ENTREP2: variants seen among roughly 807,000 people sequenced by gnomAD.
ENTREP2 encodes protein ENTREP2.
the ENTREP2 span, among the ~76,000 whole-genome samples, chr15:29,417,003 T>C: frequency 6.6e-6 from 1 of 152,168 alleles, no homozygotes; most frequent in Non-Finnish European, 1.5e-5. Context: ...CAACAGGTGC[T>C]GGAGAGGGTG....
chr15:29,318,124 C>T, the ENTREP2 span, among the ~76,000 whole-genome samples: 1 of 152,140 alleles, frequency 6.6e-6, no homozygotes, highest in Non-Finnish European at 1.5e-5. Flanking sequence ...TAATTGCAGG[C>T]AGGCCGTGTT....
chr15:29,674,130 G>C, the ENTREP2 span, among the ~76,000 whole-genome samples: 5 of 103,384 alleles, frequency 4.8e-5, no homozygotes, highest in Admixed American at 4.4e-4. Flanking sequence ...GCAGAGGATG[G>C]GGGGGGGGGG....
the ENTREP2 span, among the ~76,000 whole-genome samples, chr15:29,656,378 A>C: frequency 6.6e-6 from 1 of 152,056 alleles, no homozygotes; most frequent in African/African-American, 2.4e-5. Flanking sequence ...GACATCCATC[A>C]CCACAGCCGG....
the ENTREP2 span, among the ~76,000 whole-genome samples, chr15:29,138,617 GTATGTGTATGTGCATGTGTA>G: frequency 7.2e-6 from 1 of 138,662 alleles, no homozygotes; most frequent in Non-Finnish European, 1.6e-5. Flanking sequence ...GTGTTTGTAT[GTATGTGTATGTGCATGTGTA>G]TATGTGTATG....
chr15:29,226,713 G>C, the ENTREP2 span, among the ~76,000 whole-genome samples: 4 of 152,192 alleles, frequency 2.6e-5, no homozygotes, highest in African/African-American at 9.7e-5. Flanking sequence ...CTTGGAGACT[G>C]AGGCTTTCAA....
At chr15:29,425,410 C>T in the ENTREP2 span, among the ~76,000 whole-genome samples, 1 of 152,120 alleles carries the variant, frequency 6.6e-6, no homozygotes, top group African/African-American at 2.4e-5. Context: ...TTTGATCATA[C>T]GTGGACAGTC....
At chr15:29,492,999 G>A in the ENTREP2 span, among the ~76,000 whole-genome samples, 14 of 147,974 alleles carry the variant, frequency 9.5e-5, no homozygotes, top group African/African-American at 2.2e-4. Context: ...GTGAGACTCC[G>A]TCTCCAAAAA....
the ENTREP2 span, among the ~76,000 whole-genome samples, chr15:29,280,166 T>C: frequency 2.6e-5 from 4 of 152,346 alleles, no homozygotes; most frequent in East Asian, 3.9e-4. Context: ...TATTAGATCA[T>C]TAAAAGACGT....
chr15:29,546,974 T>G, the ENTREP2 span, among the ~76,000 whole-genome samples: 1 of 149,894 alleles, frequency 6.7e-6, no homozygotes, highest in Admixed American at 6.7e-5. Context: ...TAAAGAGATA[T>G]GGAGCATTCA....
At chr15:29,248,650 A>G in the ENTREP2 span, among the ~76,000 whole-genome samples, 4 of 152,158 alleles carry the variant, frequency 2.6e-5, no homozygotes, top group African/African-American at 9.6e-5. Flanking sequence ...TAAATGACTA[A>G]AAAGTTTAAT....
At chr15:29,573,227 G>C in the ENTREP2 span, among the ~76,000 whole-genome samples, 1 of 152,160 alleles carries the variant, frequency 6.6e-6, no homozygotes, top group Non-Finnish European at 1.5e-5. Flanking sequence ...GGTTAGGAGA[G>C]GGATCTACTT....
the ENTREP2 span, among the ~76,000 whole-genome samples, chr15:29,339,650 G>C: frequency 3.3e-5 from 5 of 152,174 alleles, no homozygotes; most frequent in African/African-American, 1.2e-4. Context: ...TCCAATTTAC[G>C]TACAACTTCG....
the ENTREP2 span, among the ~76,000 whole-genome samples, chr15:29,258,999 G>A: frequency 6.6e-5 from 10 of 152,292 alleles, no homozygotes; most frequent in South Asian, 4.1e-4. Flanking sequence ...TTTTCTGAGT[G>A]GGCAAGAACT....
At chr15:29,123,492 G>A in the ENTREP2 span, 1 of 1,551,700 alleles carries the variant, frequency 6.4e-7, no homozygotes, top group African/African-American at 1.4e-5. Context: ...CCAAAACCCT[G>A]GCATCCGCAT....
the ENTREP2 span, among the ~76,000 whole-genome samples, chr15:29,307,203 C>CA: frequency 8.0e-5 from 12 of 150,662 alleles, no homozygotes; most frequent in East Asian, 3.9e-4. Flanking sequence ...TCCTTTTATA[C>CA]AAAAAAAATT....
At chr15:29,442,078 C>A in the ENTREP2 span, among the ~76,000 whole-genome samples, 1 of 152,140 alleles carries the variant, frequency 6.6e-6, no homozygotes, top group African/African-American at 2.4e-5. Context: ...CTGTTGTCCC[C>A]CTGAAGCACC....
the ENTREP2 span, among the ~76,000 whole-genome samples, chr15:29,467,227 C>T: frequency 1.2e-4 from 19 of 152,168 alleles, no homozygotes; most frequent in African/African-American, 4.1e-4. Flanking sequence ...AAGGAGAAAT[C>T]GAGATGCCTC....
chr15:29,466,870 C>G, the ENTREP2 span, among the ~76,000 whole-genome samples: 1 of 127,048 alleles, frequency 7.9e-6, no homozygotes, highest in East Asian at 2.5e-4. Context: ...GAGGATGCTG[C>G]AGCCCCCAGG....
At chr15:29,163,096 C>T in the ENTREP2 span, among the ~76,000 whole-genome samples, 11 of 152,148 alleles carry the variant, frequency 7.2e-5, no homozygotes, top group Non-Finnish European at 1.3e-4. Context: ...GAAGCCACCT[C>T]CATAGGAAAA....
Sources: allele counts gnomAD v4.1 joint callset (sites outside exome capture counted in the v4.1 genomes callset), GRCh38; gene constraint gnomAD v4.1.1; transcripts MANE v1.5; gene names NCBI Gene and HGNC (gene_info 2026-07-23, HGNC 2026-07-21).